The following SMG6 variants were observed in gnomAD, a reference collection of about 807,000 sequenced individuals.
SMG6 encodes SMG6 nonsense mediated mRNA decay factor, also known as telomerase-binding protein EST1A.
Under a neutral mutation model 142.2 loss-of-function variants are expected in SMG6, and 66 were observed. The ratio of observed to expected loss-of-function variants is 0.46; its 90% CI spans 0.38 to 0.57. The LOEUF is 0.57. Ranked by LOEUF, SMG6 falls within the 20% of genes least tolerant of loss-of-function variation. The pLI is 0.00. For missense variants in SMG6, 1,793 were observed against 1,832.0 expected (o/e 0.98, Z 0.39); for synonymous variants, 779 against 702.4 (o/e 1.11, Z -1.72).
At chr17:2,065,245 G>T in intron 17 of SMG6, 91 bp from the exon 18 acceptor site, 1 of 1,176,414 alleles carries the variant, frequency 8.5e-7, no homozygotes, top group Non-Finnish European at 1.3e-6. Context: ...GGGGCCCTGG[G>T]CAGGGCCACC....
chr17:2,239,620 T>G (rs1187357090), intron 9 of SMG6, among the ~76,000 whole-genome samples: 1 of 152,196 alleles, frequency 6.6e-6, no homozygotes, highest in Non-Finnish European at 1.5e-5. Flanking sequence ...TTTACCAAAT[T>G]TTAACGGTGG....
At chr17:2,189,095 T>C (rs2072083155) in intron 10 of SMG6, among the ~76,000 whole-genome samples, 1 of 152,248 alleles carries the variant, frequency 6.6e-6, no homozygotes, top group African/African-American at 2.4e-5. Context: ...TGGAATGAGT[T>C]AATTTTATGC....
chr17:2,272,556 C>A (rs150731759), intron 8 of SMG6, among the ~76,000 whole-genome samples: 40 of 152,208 alleles, frequency 2.6e-4, no homozygotes, highest in African/African-American at 8.9e-4. Context: ...CACAGAGCAG[C>A]ACAAAATTTG....
chr17:2,303,639 T>A lies in SMG6; in HGVS notation c.82A>T (p.Ser28Cys), dbSNP rs1341996200. 6.7e-7 allele frequency: 1 copy of A among 1,483,838 alleles called. No individual in the cohort carries two copies. The highest frequency in any genetic ancestry group is 1.3e-5 in the South Asian group (1 of 78,994). The allele number at this position is 1,483,838 out of a possible 1,614,324, so 91.9% of individuals were successfully genotyped here. Residue 28 changes from serine (S) to cysteine (C), a missense_variant, in exon 1 of 19, where the codon AGC (serine) becomes TGC (cysteine). Around this residue, in one of 3 missense-constraint regions of SMG6, gnomAD observed 1,597 missense variants for 1,584.6 expected, o/e 1.01. Transcript: ENST00000263073. ...GCTGGGCGGCGCGACTCACCTCTGC[T>A]CCCGGCCTGCGGGGCCAGAGTAGCC... ...ILATLAPQAG[S>C]RENMKELKEA... is the part of the protein sequence containing the mutation.
intron 13 of SMG6, among the ~76,000 whole-genome samples, chr17:2,135,799 C>A (rs557376832): frequency 1.3e-5 from 2 of 150,490 alleles, no homozygotes; most frequent in South Asian, 4.2e-4. Flanking sequence ...AAGCAATCTT[C>A]CCACCTTAGC....
intron 10 of SMG6, among the ~76,000 whole-genome samples, chr17:2,206,275 G>T (rs2072678202): frequency 6.6e-6 from 1 of 151,244 alleles, no homozygotes; most frequent in Admixed American, 6.6e-5. Flanking sequence ...CATATTCATA[G>T]ATACATGGTG....
At chr17:2,249,815 C>G (rs2074008564) in intron 8 of SMG6, among the ~76,000 whole-genome samples, 1 of 152,168 alleles carries the variant, frequency 6.6e-6, no homozygotes, top group Non-Finnish European at 1.5e-5. Context: ...TCTTCTGGCT[C>G]CTTAGCTCAA....
chr17:2,233,190 C>G (rs2073548548), intron 10 of SMG6: 1 of 152,242 alleles, frequency 6.6e-6, no homozygotes, highest in Non-Finnish European at 1.5e-5. Flanking sequence ...ACCACATCTA[C>G]AGGGAAGACC....
chr17:2,156,130 C>T (rs572285147), intron 13 of SMG6, among the ~76,000 whole-genome samples: 3 of 150,266 alleles, frequency 2.0e-5, no homozygotes, highest in African/African-American at 7.4e-5. Flanking sequence ...TGGTTCACGC[C>T]TGTAATCCCA....
intron 10 of SMG6, among the ~76,000 whole-genome samples, chr17:2,198,513 T>G (rs1288573615): frequency 6.6e-6 from 1 of 152,156 alleles, no homozygotes; most frequent in Admixed American, 6.5e-5. Flanking sequence ...GAAATCTGAT[T>G]AAAGTCAGTG....
At chr17:2,130,672 A>G (rs1489718364) in intron 13 of SMG6, among the ~76,000 whole-genome samples, 1 of 152,086 alleles carries the variant, frequency 6.6e-6, no homozygotes, top group Non-Finnish European at 1.5e-5. Context: ...ACCTCAGGGT[A>G]TGTAAGGTTT....
intron 13 of SMG6, among the ~76,000 whole-genome samples, chr17:2,154,717 T>C (rs1332548144): frequency 3.9e-5 from 6 of 152,174 alleles, no homozygotes; most frequent in Non-Finnish European, 7.3e-5. Context: ...ACTGAAACTA[T>C]TGTTAATAAT....
At chr17:2,226,323 G>A (rs529526548) in intron 10 of SMG6, among the ~76,000 whole-genome samples, 1 of 151,292 alleles carries the variant, frequency 6.6e-6, no homozygotes, top group Non-Finnish European at 1.5e-5. Flanking sequence ...AGTGGCTCCT[G>A]TAATCCCAGG....
At position 2,253,251 on chromosome 17, in the gene SMG6, C is replaced by G. The variant is rs529891441; in HGVS notation, c.2662-8532G>C. 8.5e-5 allele frequency among the ~76,000 whole-genome samples: 13 copies of G among 152,102 alleles called. No homozygotes were observed. The South Asian group carries it at 2.7e-3, about 31-fold the overall frequency. ...CCGCTTCCCGGGTTCACGCCATTCT[C>G]CTGCCTCAGCCTCCTGAGCAGCTGG... On this transcript the variant is annotated intron_variant, in intron 8 of 18. Transcript: ENST00000263073.
chr17:2,120,374 A>C (rs2069649344), intron 13 of SMG6, among the ~76,000 whole-genome samples: 1 of 152,208 alleles, frequency 6.6e-6, no homozygotes, highest in Non-Finnish European at 1.5e-5. Context: ...AATGGGAGGA[A>C]GATGTGAAAA....
intron 13 of SMG6, among the ~76,000 whole-genome samples, chr17:2,143,997 C>T (rs1363971640): frequency 1.3e-5 from 2 of 151,202 alleles, no homozygotes; most frequent in African/African-American, 4.9e-5. Context: ...AAGGGATCCT[C>T]CCCACTTAGC....
rs538420693 is a variant in SMG6, at chr17:2,062,053, T to C, written c.4130-431A>G. 6.9e-4 allele frequency: 109 copies of C among 157,996 alleles called. 1 individual carries two copies. The Middle Eastern group carries it at 0.013, about 19-fold the overall frequency. 9.8% of individuals were successfully genotyped at this position (157,996 alleles called of 1,614,324 possible). On this transcript the variant is annotated intron_variant, in intron 18 of 18. Transcript: ENST00000263073. Reference sequence around the variant, plus strand: ...CCTCTAAAAGCCAGCAGGTTGAAGCTTTACGCATCCAGAGGCAGAAAACTA... The same window carrying C: ...CCTCTAAAAGCCAGCAGGTTGAAGCCTTACGCATCCAGAGGCAGAAAACTA...
intron 8 of SMG6, among the ~76,000 whole-genome samples, chr17:2,279,449 A>G (rs2074734548): frequency 6.6e-6 from 1 of 152,254 alleles, no homozygotes; most frequent in African/African-American, 2.4e-5. Flanking sequence ...ACTTTCAAGA[A>G]GGCAGTGGCA....
intron 13 of SMG6, among the ~76,000 whole-genome samples, chr17:2,089,530 T>C (rs2151443991): frequency 6.6e-6 from 1 of 152,280 alleles, no homozygotes; most frequent in South Asian, 2.1e-4. Context: ...ACTGGGGCTT[T>C]AGGTCAGGGA....
Sources: allele counts gnomAD v4.1 joint callset (sites outside exome capture counted in the v4.1 genomes callset), GRCh38; gene constraint gnomAD v4.1.1; regional missense constraint gnomAD v4.1.1; transcripts MANE v1.5; gene names NCBI Gene and HGNC (gene_info 2026-07-23, HGNC 2026-07-21).